The following RASA2 variants were observed in gnomAD, a reference collection of about 807,000 sequenced individuals.
RASA2 encodes ras GTPase-activating protein 2.
A neutral mutation model predicts 118.2 loss-of-function variants in RASA2; 155 were observed. That is an observed-to-expected ratio of 1.31 (90% CI 1.15 to 1.50). RASA2 has a LOEUF of 1.50. Ranked by LOEUF, RASA2 falls within the 40% of genes most tolerant of loss-of-function variation. RASA2 has a pLI of 0.00. For synonymous variants in RASA2, 353 were observed against 349.1 expected, an observed-to-expected ratio of 1.01 and a Z score of -0.12; for missense variants, 1,016 against 1,009.6, an observed-to-expected ratio of 1.01 and a Z score of -0.09.
At chr3:141,604,570 T>G (rs1160111419) in intron 19 of RASA2, among the ~76,000 whole-genome samples, 1 of 152,180 alleles carries the variant, frequency 6.6e-6, no homozygotes, top group Non-Finnish European at 1.5e-5. Flanking sequence ...TACATTATGT[T>G]TTAATGATTT....
chr3:141,565,878 G>T (rs993706500), intron 9 of RASA2, among the ~76,000 whole-genome samples: 1 of 152,182 alleles, frequency 6.6e-6, no homozygotes, highest in Non-Finnish European at 1.5e-5. Context: ...TCAGACAGTA[G>T]ATGTTCTGAA....
intron 4 of RASA2, among the ~76,000 whole-genome samples, chr3:141,532,819 A>G (rs1347837844): frequency 6.6e-6 from 1 of 152,156 alleles, no homozygotes; most frequent in Non-Finnish European, 1.5e-5. Flanking sequence ...TGGCACATGG[A>G]AACTGAGACC....
intron 19 of RASA2, chr3:141,590,269 A>G (rs1025495834): frequency 7.3e-6 from 3 of 413,378 alleles, no homozygotes; most frequent in African/African-American, 2.1e-5. Flanking sequence ...AGCTAAATGC[A>G]TTTACTCCGC....
chr3:141,588,691 A>G (rs2083243184), intron 19 of RASA2, among the ~76,000 whole-genome samples: 3 of 152,204 alleles, frequency 2.0e-5, no homozygotes, highest in Admixed American at 6.5e-5. Flanking sequence ...AACCAGAATG[A>G]CTACATGTGT....
chr3:141,546,971 A>G (rs1439055078), intron 5 of RASA2, among the ~76,000 whole-genome samples: 1 of 152,022 alleles, frequency 6.6e-6, no homozygotes, highest in Non-Finnish European at 1.5e-5. Context: ...TCCCCAGTGT[A>G]TGTTCTTGGC....
Position 141,610,068 on chromosome 3 carries a change from T to C in RASA2, c.2519+2T>C. On this transcript the variant is annotated splice_donor_variant, in intron 23 of 23. Transcript: ENST00000286364. LOFTEE classifies it high-confidence loss of function. ...CAGTAGTGCAAAATATGGGAGCAAG[T>C]GAGTAATTTTTAAGCTATTGTAAAC... is the stretch of plus-strand genomic sequence containing the variant. 6.4e-7 allele frequency: 1 copy of C among 1,567,164 alleles called. No individual in the cohort carries two copies. Among genetic ancestry groups the C allele is most frequent in the South Asian group, 1.2e-5 (1 of 83,776 alleles).
chr3:141,545,461 C>CTTTTTT (rs35655653), intron 5 of RASA2, among the ~76,000 whole-genome samples: 3 of 113,172 alleles, frequency 2.7e-5, no homozygotes, highest in African/African-American at 6.9e-5. Flanking sequence ...GTACTACATA[C>CTTTTTT]TTTTTTTTTT....
At chr3:141,589,657 G>A (rs947677710) in intron 19 of RASA2, among the ~76,000 whole-genome samples, 20 of 151,950 alleles carry the variant, frequency 1.3e-4, no homozygotes, top group African/African-American at 4.8e-4. Flanking sequence ...CCTGGCCAAC[G>A]CGGTGAAACC....
intron 13 of RASA2, among the ~76,000 whole-genome samples, chr3:141,573,664 G>A (rs964322863): frequency 2.0e-5 from 3 of 152,102 alleles, no homozygotes; most frequent in African/African-American, 7.2e-5. Flanking sequence ...GAGTTATTTT[G>A]TGATTTCCTT....
intron 19 of RASA2, among the ~76,000 whole-genome samples, chr3:141,592,876 G>GAA (rs556617863): frequency 7.1e-6 from 1 of 141,710 alleles, no homozygotes; most frequent in African/African-American, 2.6e-5. Context: ...AACTGAACTT[G>GAA]AAAAAAAAAA....
chr3:141,572,610 G>T lies in RASA2; in HGVS notation c.1171G>T (p.Asp391Tyr), dbSNP rs1197946835. The T allele has an allele frequency of 3.1e-6, 5 of 1,607,860 alleles. No individual in the cohort carries two copies. In the South Asian group the frequency reaches 3.3e-5, roughly 11 times the overall value. The change falls in exon 12 of 24, where the codon GAT (aspartate) becomes TAT (tyrosine). Residue 391 changes from aspartate to tyrosine, a missense_variant and splice_region_variant. Asp to Tyr is a radical substitution (Grantham distance 160). Coordinates refer to ENST00000286364, the MANE Select transcript of RASA2 (RefSeq NM_006506.5). The stretch of plus-strand genomic sequence containing the variant: ...TGGTTTCATCTATTTCTATTTCAGA[G>T]ATGCAAACACAATTTTTAGAGGAAA... ...VAELDLKDTQ[D>Y]ANTIFRGNSL... is the part of the protein sequence containing the mutation.
intron 5 of RASA2, among the ~76,000 whole-genome samples, chr3:141,553,122 G>A (rs1380266998): frequency 5.3e-5 from 8 of 152,190 alleles, no homozygotes; most frequent in Non-Finnish European, 8.8e-5. Context: ...TGGAATAAAA[G>A]GCTGCAGAAT....
At chr3:141,495,252 T>G (rs1404722335) in intron 1 of RASA2, among the ~76,000 whole-genome samples, 3 of 152,244 alleles carry the variant, frequency 2.0e-5, no homozygotes, top group Non-Finnish European at 4.4e-5. Context: ...CTAAGCTAAG[T>G]AAATTGACCA....
chr3:141,543,876 C>CTTTTTTTTTTTTTTTTTTTTTTTTTCT (rs529631210), intron 5 of RASA2, among the ~76,000 whole-genome samples: 1 of 117,316 alleles, frequency 8.5e-6, no homozygotes, highest in East Asian at 2.4e-4. Context: ...TTTCTTTTTT[C>CTTTTTTTTTTTTTTTTTTTTTTTTTCT]TTTTTTTTTT....
intron 17 of RASA2, 114 bp downstream of exon 17, chr3:141,581,291 G>A: frequency 1.1e-6 from 1 of 890,166 alleles, no homozygotes; most frequent in Non-Finnish European, 1.5e-6. Context: ...TGTTTAAACT[G>A]TTCATCAAAA....
intron 17 of RASA2, among the ~76,000 whole-genome samples, chr3:141,582,190 C>G (rs1329137798): frequency 1.3e-5 from 2 of 152,042 alleles, no homozygotes; most frequent in African/African-American, 4.8e-5. Context: ...ATGTTTGAGC[C>G]TTTTTTTATA....
At position 141,522,604 on chromosome 3, in the gene RASA2, C is replaced by G. The variant is rs138127700; in HGVS notation, c.355+6173C>G. ...ACATTGCAAGGGGTGGCACCTTGGC[C>G]TCTGGTTGGCCTCATGAATAGTGAA... On this transcript the variant is annotated intron_variant, in intron 3 of 23. Transcript: ENST00000286364. 4.6e-3 allele frequency among the ~76,000 whole-genome samples: 701 copies of G among 152,240 alleles called. 5 individuals are homozygous for G. Among genetic ancestry groups the G allele is most frequent in the African/African-American group, 0.016 (670 of 41,528 alleles).
At chr3:141,503,547 C>T (rs1249426698) in intron 1 of RASA2, among the ~76,000 whole-genome samples, 2 of 150,286 alleles carry the variant, frequency 1.3e-5, no homozygotes, top group Non-Finnish European at 3.0e-5. Context: ...TATCTAAAAG[C>T]TGCTGTTTTC....
Position 141,614,862 on chromosome 3 carries a change from G to A in RASA2, c.*2549G>A, listed in dbSNP as rs1022617237. ...GGTAATGGGTAAGTGTGAAAACTAG[G>A]CTTTTTTTTATGAAACAAAAAAAGG... On this transcript the variant is annotated 3_prime_UTR_variant, in exon 24 of 24. Coordinates refer to ENST00000286364, the MANE Select transcript of RASA2 (RefSeq NM_006506.5). 5.9e-5 allele frequency: 9 copies of A among 152,030 alleles called. No individual in the cohort carries two copies. The highest frequency in any genetic ancestry group is 2.2e-4 in the African/African-American group (9 of 41,380). 9.4% of individuals were successfully genotyped at this position (152,030 alleles called of 1,614,324 possible).
Sources: allele counts gnomAD v4.1 joint callset (sites outside exome capture counted in the v4.1 genomes callset), GRCh38; gene constraint gnomAD v4.1.1; transcripts MANE v1.5; gene names NCBI Gene and HGNC (gene_info 2026-07-23, HGNC 2026-07-21).